The following TENM4 variants were observed in gnomAD, a reference collection of about 807,000 sequenced individuals.
The protein encoded by TENM4 is teneurin-4.
Under a neutral mutation model 243.3 loss-of-function variants are expected in TENM4, and 82 were observed. That is an observed-to-expected ratio of 0.34 (90% CI 0.28 to 0.40). The LOEUF is 0.40. TENM4 is among the 10% of genes least tolerant of loss of function. The probability of loss-of-function intolerance (pLI) is 1.00; values close to 1 mark genes in which losing one functional copy is unlikely to be tolerated. For missense variants in TENM4, 3,138 were observed against 3,673.3 expected, an observed-to-expected ratio of 0.85 and a Z score of 3.77; for synonymous variants, 1,412 against 1,456.3, an observed-to-expected ratio of 0.97 and a Z score of 0.69.
intron 2 of TENM4, among the ~76,000 whole-genome samples, chr11:79,253,404 T>C (rs929824784): frequency 2.0e-5 from 3 of 152,154 alleles, no homozygotes; most frequent in African/African-American, 4.8e-5. Context: ...AACACTGCAC[T>C]GGAGTGGAAA....
Position 78,755,703 on chromosome 11 carries a change from C to T in TENM4, c.2756+1102G>A, listed in dbSNP as rs576255384. ...ACCACCATTTACCCAGGCATTCAAG[C>T]GGGAGACTCCTCTCTGCAGCATCCC... On this transcript the variant is annotated intron_variant, in intron 19 of 33. Transcript: ENST00000278550. 2.0e-4 allele frequency among the ~76,000 whole-genome samples: 30 copies of T among 152,234 alleles called. No individual in the cohort carries two copies. The South Asian group carries it at 3.1e-3, about 16-fold the overall frequency.
At chr11:79,353,628 A>C (rs2135481506) in intron 1 of TENM4, among the ~76,000 whole-genome samples, 1 of 152,264 alleles carries the variant, frequency 6.6e-6, no homozygotes, top group East Asian at 1.9e-4. Flanking sequence ...ACTTATAATC[A>C]ATCAAGCAAA....
At chr11:78,795,118 A>G (rs893433433) in intron 15 of TENM4, among the ~76,000 whole-genome samples, 1 of 152,092 alleles carries the variant, frequency 6.6e-6, no homozygotes, top group African/African-American at 2.4e-5. Context: ...ATGTGCTTTG[A>G]GTTCTGGCTC....
At chr11:78,676,724 C>A (rs1262384697) in intron 29 of TENM4, among the ~76,000 whole-genome samples, 1 of 152,170 alleles carries the variant, frequency 6.6e-6, no homozygotes, top group Non-Finnish European at 1.5e-5. Context: ...TTTTCATAAA[C>A]ATTTTTCTTA....
intron 6 of TENM4, among the ~76,000 whole-genome samples, chr11:79,026,200 A>T (rs748009561): frequency 1.3e-5 from 2 of 152,158 alleles, no homozygotes; most frequent in African/African-American, 2.4e-5. Flanking sequence ...CATTAAGGGT[A>T]TTCTACCAGT....
At chr11:79,392,233 T>A (rs73496618) in intron 1 of TENM4, among the ~76,000 whole-genome samples, 5,836 of 152,284 alleles carry the variant, frequency 0.038, 369 homozygotes, top group African/African-American at 0.13. Flanking sequence ...CCTTTCCTTA[T>A]GATGTTTGCT....
At chr11:78,875,956 A>G (rs1379234848) in intron 9 of TENM4, among the ~76,000 whole-genome samples, 1 of 152,198 alleles carries the variant, frequency 6.6e-6, no homozygotes, top group East Asian at 1.9e-4. Flanking sequence ...ACAGAAGGGC[A>G]ATGTGGCCCT....
chr11:78,824,101 C>T (rs1857797204), intron 12 of TENM4, among the ~76,000 whole-genome samples: 2 of 152,146 alleles, frequency 1.3e-5, no homozygotes, highest in African/African-American at 4.8e-5. Context: ...TTCTACCATA[C>T]CACAACTGCC....
At chr11:79,103,078 T>C (rs1861275276) in intron 4 of TENM4, among the ~76,000 whole-genome samples, 1 of 152,166 alleles carries the variant, frequency 6.6e-6, no homozygotes, top group Admixed American at 6.5e-5. Context: ...TGAAGCCAGA[T>C]GGAACAGCTC....
chr11:78,980,618 G>A (rs1001078825), intron 6 of TENM4, among the ~76,000 whole-genome samples: 3 of 152,222 alleles, frequency 2.0e-5, no homozygotes, highest in Non-Finnish European at 2.9e-5. Context: ...GTCTGGCTTA[G>A]CAGGGTGGTC....
chr11:79,349,526 C>T (rs1282470102), intron 1 of TENM4, among the ~76,000 whole-genome samples: 1 of 152,158 alleles, frequency 6.6e-6, no homozygotes, highest in Non-Finnish European at 1.5e-5. Context: ...ATATTTAGCA[C>T]TTTCTATGTA....
At chr11:79,061,569 G>A (rs944669914) in intron 6 of TENM4, among the ~76,000 whole-genome samples, 2 of 152,148 alleles carry the variant, frequency 1.3e-5, no homozygotes, top group African/African-American at 4.8e-5. Flanking sequence ...ACCCAACAGA[G>A]GCTTAATTCA....
At chr11:78,670,643 G>A in intron 31 of TENM4, 92 bp from the exon 32 acceptor site, 1 of 1,247,524 alleles carries the variant, frequency 8.0e-7, no homozygotes, top group South Asian at 1.4e-5. Flanking sequence ...CGGAATGAAT[G>A]TCCAAGGAGA....
intron 10 of TENM4, among the ~76,000 whole-genome samples, chr11:78,859,234 T>C (rs1858756116): frequency 6.6e-6 from 1 of 152,126 alleles, no homozygotes; most frequent in Non-Finnish European, 1.5e-5. Flanking sequence ...ATTAGGAACC[T>C]ACAAACAGGT....
intron 1 of TENM4, among the ~76,000 whole-genome samples, chr11:79,399,798 A>G (rs1260674642): frequency 6.6e-6 from 1 of 152,092 alleles, no homozygotes; most frequent in Non-Finnish European, 1.5e-5. Flanking sequence ...AGATATTCAA[A>G]CCCTCTGAGT....
intron 6 of TENM4, among the ~76,000 whole-genome samples, chr11:78,965,730 TG>T (rs1443242594): frequency 6.6e-6 from 1 of 152,220 alleles, no homozygotes; most frequent in Non-Finnish European, 1.5e-5. Flanking sequence ...CTCTGGCCTC[TG>T]GGTTGCTCTG....
chr11:79,131,607 A>G (rs973715798), intron 4 of TENM4, among the ~76,000 whole-genome samples: 1 of 152,212 alleles, frequency 6.6e-6, no homozygotes, highest in Non-Finnish European at 1.5e-5. Context: ...GAACCTATAA[A>G]ACAAAAATAC....
At chr11:78,926,929 T>C (rs1334027039) in intron 6 of TENM4, among the ~76,000 whole-genome samples, 1 of 152,224 alleles carries the variant, frequency 6.6e-6, no homozygotes, top group Non-Finnish European at 1.5e-5. Context: ...GTTTGAGAGA[T>C]AAAGATTAAA....
At chr11:79,141,185 A>T (rs1319718006) in intron 4 of TENM4, among the ~76,000 whole-genome samples, 1 of 152,080 alleles carries the variant, frequency 6.6e-6, no homozygotes, top group Non-Finnish European at 1.5e-5. Flanking sequence ...TCCTCACCTG[A>T]AAATGGAAGG....
Sources: allele counts gnomAD v4.1 joint callset (sites outside exome capture counted in the v4.1 genomes callset), GRCh38; gene constraint gnomAD v4.1.1; transcripts MANE v1.5; gene names NCBI Gene and HGNC (gene_info 2026-07-23, HGNC 2026-07-21).